CNTN3: variants seen among roughly 807,000 people sequenced by gnomAD.
The protein encoded by CNTN3 is contactin-3.
CNTN3 carries 60 observed loss-of-function variants against 119.1 expected under a neutral mutation model. The ratio of observed to expected loss-of-function variants is 0.50; its 90% CI spans 0.41 to 0.62. The LOEUF is 0.62. Among genes scored for constraint, CNTN3 ranks in the 20% least tolerant of loss-of-function variants. The pLI is 0.00. For synonymous variants in CNTN3, 450 were observed against 438.7 expected (o/e 1.03, Z -0.32); for missense variants, 1,101 against 1,242.4 (o/e 0.89, Z 1.71).
At chr3:74,499,597 C>T (rs2107078145) in intron 3 of CNTN3, 62 bp downstream of exon 3, 4 of 1,480,426 alleles carry the variant, frequency 2.7e-6, no homozygotes, top group South Asian at 1.4e-5. Flanking sequence ...AAAAAAAATT[C>T]ACAATCACCA....
chr3:74,516,333 AC>A lies in CNTN3; in HGVS notation c.55+4724del, dbSNP rs908959805. Among the ~76,000 whole-genome samples, 9 of 149,576 alleles carry A rather than the reference AC, an allele frequency of 6.0e-5. No individual in the cohort carries two copies. In the South Asian group the frequency reaches 1.9e-3, roughly 32 times the overall value. ...TGCCACCACTGAGACAGCAAGAGCA[AC>A]CCCCCTTCTTCTTCTTCCTCCCCAG... On this transcript the variant is annotated intron_variant, in intron 2 of 22. Coordinates refer to ENST00000263665, the MANE Select transcript of CNTN3 (RefSeq NM_020872.3).
chr3:74,558,474 T>C (rs959261117), intron 1 of CNTN3, among the ~76,000 whole-genome samples: 1 of 152,208 alleles, frequency 6.6e-6, no homozygotes, highest in African/African-American at 2.4e-5. Flanking sequence ...AACTGATGTA[T>C]GCAGAGCCTT....
At chr3:74,442,428 C>A (rs566328988) in intron 4 of CNTN3, among the ~76,000 whole-genome samples, 22 of 152,080 alleles carry the variant, frequency 1.4e-4, no homozygotes, top group Admixed American at 3.9e-4. Flanking sequence ...TTTAAAAATT[C>A]TGTTTCATGA....
chr3:74,510,107 T>C (rs996537417), intron 2 of CNTN3, among the ~76,000 whole-genome samples: 1 of 151,726 alleles, frequency 6.6e-6, no homozygotes, highest in Non-Finnish European at 1.5e-5. Context: ...CCTGGGTCTG[T>C]AGGTGTGTTT....
chr3:74,453,996 G>T (rs2106956034), intron 4 of CNTN3, among the ~76,000 whole-genome samples: 1 of 149,686 alleles, frequency 6.7e-6, no homozygotes, highest in South Asian at 2.1e-4. Context: ...TGTTGATTTG[G>T]GGTGGAGAGT....
intron 11 of CNTN3, among the ~76,000 whole-genome samples, chr3:74,358,552 G>A (rs1703995061): frequency 6.6e-6 from 1 of 150,414 alleles, no homozygotes; most frequent in Admixed American, 6.6e-5. Flanking sequence ...GGACTTCTGG[G>A]AAGACTCTTA....
intron 4 of CNTN3, among the ~76,000 whole-genome samples, chr3:74,449,208 T>C (rs1575735664): frequency 6.6e-6 from 1 of 152,088 alleles, no homozygotes; most frequent in African/African-American, 2.4e-5. Context: ...GTGCCTGCTC[T>C]GGGGCCATTT....
intron 13 of CNTN3, among the ~76,000 whole-genome samples, chr3:74,322,554 A>G (rs1703021635): frequency 6.6e-6 from 1 of 152,186 alleles, no homozygotes; most frequent in African/African-American, 2.4e-5. Context: ...GGGATGCAAA[A>G]TGTTATAGCC....
intron 11 of CNTN3, among the ~76,000 whole-genome samples, chr3:74,341,431 T>G (rs1054697102): frequency 8.5e-5 from 13 of 152,160 alleles, no homozygotes; most frequent in African/African-American, 2.7e-4. Flanking sequence ...GCACAAAACG[T>G]TAAAAAACAA....
intron 4 of CNTN3, among the ~76,000 whole-genome samples, chr3:74,444,201 C>A (rs1225723910): frequency 6.6e-6 from 1 of 152,000 alleles, no homozygotes; most frequent in African/African-American, 2.4e-5. Context: ...CTCATCTTAA[C>A]TACTTATATC....
intron 13 of CNTN3, among the ~76,000 whole-genome samples, chr3:74,325,947 C>T (rs1312816019): frequency 2.0e-5 from 3 of 152,232 alleles, no homozygotes; most frequent in South Asian, 4.1e-4. Context: ...TTTCAAAGTG[C>T]TATTAACTAT....
At chr3:74,502,041 T>C (rs1256325488) in intron 2 of CNTN3, among the ~76,000 whole-genome samples, 1 of 152,144 alleles carries the variant, frequency 6.6e-6, no homozygotes, top group Non-Finnish European at 1.5e-5. Context: ...TATTTGTAAA[T>C]ATAGTGAACA....
chr3:74,469,579 G>T (rs1321541632), intron 4 of CNTN3, among the ~76,000 whole-genome samples: 4 of 152,116 alleles, frequency 2.6e-5, no homozygotes, highest in Non-Finnish European at 5.9e-5. Context: ...TATATAGTTG[G>T]CCAGTAAACA....
intron 1 of CNTN3, among the ~76,000 whole-genome samples, chr3:74,576,054 G>A (rs563405708): frequency 1.3e-5 from 2 of 151,974 alleles, no homozygotes; most frequent in African/African-American, 2.4e-5. Context: ...GGCCCTAGGC[G>A]TCTGCTCCTT....
At position 74,365,682 on chromosome 3, in the gene CNTN3, G is replaced by GGCT. The variant is rs1704170845; in HGVS notation, c.966_967insAGC (p.Gln322_Leu323insSer). ...ACGGCTATTTCCACATCCTTTATGA[G>GGCT]TTGAACCCAATGGGGCTTTGCTTCA... On this transcript the variant is annotated inframe_insertion, in exon 9 of 23. Transcript: ENST00000263665. 1.2e-6 allele frequency: 2 copies of GGCT among 1,612,848 alleles called. No homozygotes were observed. Among genetic ancestry groups the GGCT allele is most frequent in the African/African-American group, 2.7e-5 (2 of 74,810 alleles).
chr3:74,478,312 G>C (rs538586699), intron 4 of CNTN3, among the ~76,000 whole-genome samples: 4 of 152,170 alleles, frequency 2.6e-5, no homozygotes, highest in Admixed American at 2.0e-4. Context: ...TGAAGCTGTG[G>C]TTAGGAATCC....
chr3:74,580,450 ATT>A (rs1261817851), intron 1 of CNTN3, among the ~76,000 whole-genome samples: 2 of 152,256 alleles, frequency 1.3e-5, no homozygotes, highest in East Asian at 3.9e-4. Context: ...ACACAACAAT[ATT>A]TTTTCAAGAA....
intron 4 of CNTN3, among the ~76,000 whole-genome samples, chr3:74,479,683 G>A (rs996802002): frequency 1.3e-5 from 2 of 151,906 alleles, no homozygotes; most frequent in African/African-American, 4.8e-5. Context: ...TGTGGGTGTT[G>A]GGGGGTGGAC....
intron 4 of CNTN3, among the ~76,000 whole-genome samples, chr3:74,476,795 C>T (rs114792566): frequency 2.2e-3 from 335 of 151,930 alleles, no homozygotes; most frequent in Middle Eastern, 0.01. Flanking sequence ...AAAATTAAAA[C>T]CTCAAAGGGT....
Sources: allele counts gnomAD v4.1 joint callset (sites outside exome capture counted in the v4.1 genomes callset), GRCh38; gene constraint gnomAD v4.1.1; transcripts MANE v1.5; gene names NCBI Gene and HGNC (gene_info 2026-07-23, HGNC 2026-07-21).